The following DNAJB1 variants were observed in gnomAD, a reference collection of about 807,000 sequenced individuals.
DNAJB1 encodes the protein dnaJ homolog subfamily B member 1.
In DNAJB1, 14 loss-of-function variants were observed where a neutral mutation model predicts 24.0. The ratio of observed to expected loss-of-function variants is 0.58; its 90% CI spans 0.39 to 0.91. The LOEUF (loss-of-function observed/expected upper bound fraction) is 0.91, where lower values mean the gene tolerates loss of function less well. Among genes scored for constraint, DNAJB1 ranks in the 40% least tolerant of loss-of-function variants. The pLI is 0.00. For missense variants in DNAJB1, 517 were observed against 458.1 expected (o/e 1.13, Z -1.17); for synonymous variants, 262 against 174.4 (o/e 1.50, Z -3.96).
chr19:14,541,725 A>T (rs1200286552), intron 1 of DNAJB1, among the ~76,000 whole-genome samples: 1 of 151,730 alleles, frequency 6.6e-6, no homozygotes, highest in African/African-American at 2.4e-5. Context: ...ACGTTGAGGG[A>T]TGAGGCTGAC....
intron 1 of DNAJB1, chr19:14,536,827 T>C (rs1428632757): frequency 2.0e-5 from 3 of 152,080 alleles, no homozygotes; most frequent in Non-Finnish European, 4.4e-5. Context: ...TTTCTTGGTC[T>C]GGTGAGCATC....
At chr19:14,545,022 A>G (rs1275430381) in intron 1 of DNAJB1, 5 of 450,544 alleles carry the variant, frequency 1.1e-5, no homozygotes, top group Non-Finnish European at 2.2e-5. Flanking sequence ...TCCCTGGTCC[A>G]AGCACCTGAG....
At chr19:14,553,849 T>C (rs1599472154), upstream of DNAJB1, among the ~76,000 whole-genome samples, 1 of 152,050 alleles carries the variant, frequency 6.6e-6, no homozygotes, top group South Asian at 2.1e-4. Context: ...GGATGGTGAG[T>C]GCCTGGCTGG....
At chr19:14,543,655 G>A (rs1322904140) in intron 1 of DNAJB1, among the ~76,000 whole-genome samples, 1 of 149,930 alleles carries the variant, frequency 6.7e-6, no homozygotes, top group Non-Finnish European at 1.5e-5. Flanking sequence ...AGCCAGGATG[G>A]TCTCGATCTC....
Position 14,556,776 on chromosome 19 carries a change from G to A in DNAJB1, c.-2165-2458C>T, listed in dbSNP as rs117509478. On this transcript the variant is annotated intron_variant, in intron 1 of 5. Transcript: ENST00000679223. The stretch of plus-strand genomic sequence containing the variant: ...TCGGCTTTGGGACTGTTCCTGAGCC[G>A]GCTGCTGCGGGTGCCCTTCCAGCAG... Among the ~76,000 whole-genome samples, 52 of 152,296 alleles carry A rather than the reference G, an allele frequency of 3.4e-4. No homozygotes were observed. In the East Asian group the frequency reaches 7.3e-3, roughly 22 times the overall value.
chr19:14,518,479 CCGCCCGCCCCCGCGGCGCCGGCCAAT>C (rs1248326346), upstream of DNAJB1: 4 of 680,072 alleles, frequency 5.9e-6, no homozygotes, highest in African/African-American at 5.8e-5. Context: ...ACCTTCCGCC[CCGCCCGCCCCCGCGGCGCCGGCCAAT>C]CGCCGCCGCC....
At position 14,542,860 on chromosome 19, in the gene DNAJB1, A is replaced by T. The variant is rs74566393; in HGVS notation, c.-214+7348T>A. On this transcript the variant is annotated intron_variant, in intron 1 of 3. Coordinates refer to the DNAJB1 transcript ENST00000676982. ...GTGGCCCTGTAGCTGTGTCACAGTG[A>T]CAGGCTGGCATGGCCCTGCCTCTGT... 2.6e-4 allele frequency among the ~76,000 whole-genome samples: 39 copies of T among 152,154 alleles called. 1 individual carries two copies. In the East Asian group the frequency reaches 6.4e-3, roughly 25 times the overall value.
chr19:14,536,073 G>A, intron 1 of DNAJB1, among the ~76,000 whole-genome samples: 1 of 152,064 alleles, frequency 6.6e-6, no homozygotes, highest in East Asian at 1.9e-4. Flanking sequence ...ACAGATGAGG[G>A]ACCTGAGACC....
chr19:14,549,026 T>C (rs1210134468), intron 1 of DNAJB1, among the ~76,000 whole-genome samples: 4 of 150,520 alleles, frequency 2.7e-5, no homozygotes, highest in Admixed American at 2.0e-4. Context: ...ATTTTTTTTT[T>C]CCATCCGCTT....
chr19:14,547,479 G>T (rs1165696515), intron 1 of DNAJB1, among the ~76,000 whole-genome samples: 1 of 152,102 alleles, frequency 6.6e-6, no homozygotes, highest in Non-Finnish European at 1.5e-5. Flanking sequence ...TCGTGCCTCA[G>T]TCTCCAGAGT....
At chr19:14,553,927 G>A (rs1179028948), upstream of DNAJB1, among the ~76,000 whole-genome samples, 1 of 152,104 alleles carries the variant, frequency 6.6e-6, no homozygotes, top group Non-Finnish European at 1.5e-5. Context: ...ACCAGGGCTC[G>A]CACCCCCAGC....
At chr19:14,553,180 G>A (rs1196128616), upstream of DNAJB1, among the ~76,000 whole-genome samples, 1 of 152,170 alleles carries the variant, frequency 6.6e-6, no homozygotes, top group Non-Finnish European at 1.5e-5. Context: ...AGGCTGGATT[G>A]CTACCTGCTC....
upstream of DNAJB1, chr19:14,529,888 G>A: frequency 2.3e-6 from 2 of 857,722 alleles, no homozygotes; most frequent in South Asian, 3.1e-5. Flanking sequence ...GCGCATGTGC[G>A]CAGGAAGTAT....
chr19:14,557,970 T>A (rs1325158339), intron 1 of DNAJB1, among the ~76,000 whole-genome samples: 2 of 151,052 alleles, frequency 1.3e-5, no homozygotes, highest in Non-Finnish European at 2.9e-5. Context: ...TTAGCCAGGA[T>A]GGTCTCGATC....
At chr19:14,517,323 C>T (rs2072286551) in intron 1 of DNAJB1, 1 of 400,704 alleles carries the variant, frequency 2.5e-6, no homozygotes, top group Admixed American at 4.1e-5. Flanking sequence ...CTGGACTGAC[C>T]CATCCTCCTG....
chr19:14,545,608 T>C (rs1599446712), intron 1 of DNAJB1: 1 of 197,238 alleles, frequency 5.1e-6, no homozygotes, highest in Non-Finnish European at 1.1e-5. Flanking sequence ...CTGCCATTCA[T>C]CACTGAGCCC....
In DNAJB1 at chr19:14,515,767, G is replaced by T. The variant is rs1568378766; in HGVS notation, c.*173C>A. On this transcript the variant is annotated 3_prime_UTR_variant, in exon 3 of 3. Transcript: ENST00000254322. ...ATGCCCTATAGCTCGAAAAACCACT[G>T]AAGTCTAGTGTGCGACTTTGAAAGA... 4 of 632,716 alleles carry T rather than the reference G, an allele frequency of 6.3e-6. No homozygotes were observed. Among genetic ancestry groups the T allele is most frequent in the African/African-American group, 5.7e-5 (3 of 52,918 alleles). 39.2% of individuals were successfully genotyped at this position (632,716 alleles called of 1,614,324 possible).
chr19:14,518,198 G>A lies in DNAJB1; in HGVS notation c.152C>T (p.Ala51Val). The change falls in exon 1 of 3, where the codon GCC (alanine) becomes GTC (valine). Residue 51 changes from alanine to valine, a missense_variant. Physicochemically the swap from Ala to Val is moderately conservative, Grantham distance 64. Coordinates refer to ENST00000254322, the MANE Select transcript of DNAJB1 (RefSeq NM_006145.3). ...GCGCGGGTCGCTGAGCACGTCGTAG[G>A]CCTCAGCGATCTCCTTGAACTTCTC... is the stretch of plus-strand genomic sequence containing the variant. ...AEEKFKEIAE[A>V]YDVLSDPRKR... 1 of 1,608,158 alleles carries A rather than the reference G, an allele frequency of 6.2e-7. No homozygotes were observed.
At chr19:14,522,683 G>GACACACACACACAC (rs56121204), upstream of DNAJB1, among the ~76,000 whole-genome samples, 57 of 117,896 alleles carry the variant, frequency 4.8e-4, no homozygotes, top group East Asian at 1.2e-3. Flanking sequence ...CACACACACA[G>GACACACACACACAC]ACACACACAC....
Sources: gnomAD v4.1 joint callset for allele counts (sites outside exome capture counted in the v4.1 genomes callset) on GRCh38, gnomAD v4.1.1 for gene constraint, MANE v1.5 for transcripts, NCBI Gene and HGNC (gene_info 2026-07-23, HGNC 2026-07-21) for gene names.